The following KCNK13 variants were observed in gnomAD, a reference collection of about 807,000 sequenced individuals.
The protein encoded by KCNK13 is potassium channel subfamily K member 13.
A neutral mutation model predicts 23.4 loss-of-function variants in KCNK13; 12 were observed. That is an observed-to-expected ratio of 0.51 (90% CI 0.33 to 0.83). KCNK13 has a LOEUF of 0.83. Ranked by LOEUF, KCNK13 falls within the 40% of genes least tolerant of loss-of-function variation. The pLI is 0.02. For missense variants in KCNK13, 463 were observed against 556.3 expected, an observed-to-expected ratio of 0.83 and a Z score of 1.69; for synonymous variants, 231 against 229.5, an observed-to-expected ratio of 1.01 and a Z score of -0.06.
chr14:90,130,958 T>TAG (rs1566957138), intron 1 of KCNK13, among the ~76,000 whole-genome samples: 1 of 152,192 alleles, frequency 6.6e-6, no homozygotes, highest in Non-Finnish European at 1.5e-5. Context: ...CCAGCTCCTC[T>TAG]AGAGAAGCCC....
intron 1 of KCNK13, among the ~76,000 whole-genome samples, chr14:90,136,439 C>G (rs896113382): frequency 2.6e-4 from 39 of 151,734 alleles, no homozygotes; most frequent in African/African-American, 8.5e-4. Flanking sequence ...TTAATAAGGA[C>G]CCCAAGGAAG....
intron 1 of KCNK13, among the ~76,000 whole-genome samples, chr14:90,085,871 A>ATATC (rs1261751852): frequency 1.2e-4 from 17 of 143,630 alleles, no homozygotes; most frequent in African/African-American, 3.6e-4. Context: ...ATATAAATTT[A>ATATC]TATCTATCTA....
At chr14:90,171,145 C>T (rs556500636) in intron 1 of KCNK13, among the ~76,000 whole-genome samples, 1 of 152,302 alleles carries the variant, frequency 6.6e-6, no homozygotes, top group East Asian at 1.9e-4. Context: ...TCATTTCCAG[C>T]TAGGTGAGAA....
intron 1 of KCNK13, among the ~76,000 whole-genome samples, chr14:90,104,194 G>C (rs887097781): frequency 6.6e-6 from 1 of 151,932 alleles, no homozygotes; most frequent in African/African-American, 2.4e-5. Flanking sequence ...TCCTAATCTT[G>C]TTCTTCCTCA....
intron 1 of KCNK13, among the ~76,000 whole-genome samples, chr14:90,077,035 G>A (rs918586655): frequency 2.7e-5 from 4 of 150,704 alleles, no homozygotes; most frequent in Admixed American, 1.3e-4. Flanking sequence ...TAGCCAGGAT[G>A]GTCTCGATCT....
chr14:90,066,269 TA>T (rs1218187268), intron 1 of KCNK13, among the ~76,000 whole-genome samples: 6 of 149,858 alleles, frequency 4.0e-5, no homozygotes, highest in Non-Finnish European at 7.4e-5. Flanking sequence ...ACCCACTTTT[TA>T]TTTTTTTATT....
rs372011411 is a variant in KCNK13 at position 90,062,218 on chromosome 14, G to C, written c.13G>C (p.Gly5Arg). Reference protein sequence around the residue: MAGRGFSWGPGHLNE... With the variant: MAGRRFSWGPGHLNE... Reference sequence around the variant, plus strand: ...CGGGGGCCCGGCCATGGCTGGCCGGGGTTTCAGCTGGGGCCCGGGCCACCT... The same window carrying C: ...CGGGGGCCCGGCCATGGCTGGCCGGCGTTTCAGCTGGGGCCCGGGCCACCT... The change falls in exon 1 of 2, where the codon GGT becomes CGT. Residue 5 changes from glycine (G) to arginine (R), a missense_variant. Physicochemically the swap from Gly to Arg is moderately radical, Grantham distance 125 (BLOSUM62 -2). Transcript: ENST00000282146. This position sits in a 1 kb window ranked among gnomAD's most constrained non-coding sequence, Gnocchi z 4.5. The C allele has an allele frequency of 1.4e-3, 2,007 of 1,460,708 alleles. 2 individuals carry two copies. Among genetic ancestry groups the C allele is most frequent in the Non-Finnish European group, 1.7e-3 (1,872 of 1,112,912 alleles). The allele number at this position is 1,460,708 out of a possible 1,614,324, so 90.5% of individuals were successfully genotyped here.
At chr14:90,159,948 T>A (rs1342558146) in intron 1 of KCNK13, among the ~76,000 whole-genome samples, 1 of 16,152 alleles carries the variant, frequency 6.2e-5, no homozygotes, top group Non-Finnish European at 2.1e-4. Flanking sequence ...TGTGTAGGGG[T>A]GTGTGTGTGT....
chr14:90,149,393 A>ACAGTTCCC (rs1478380338), intron 1 of KCNK13, among the ~76,000 whole-genome samples: 1 of 152,208 alleles, frequency 6.6e-6, no homozygotes, highest in African/African-American at 2.4e-5. Context: ...TAATGGACTC[A>ACAGTTCCC]CAGTTCCCCA....
chr14:90,183,350 A>G (rs998607550), intron 1 of KCNK13, among the ~76,000 whole-genome samples: 1 of 152,118 alleles, frequency 6.6e-6, no homozygotes, highest in Admixed American at 6.5e-5. Flanking sequence ...AGAAATGCCC[A>G]TAATCCCAGT....
intron 1 of KCNK13, among the ~76,000 whole-genome samples, chr14:90,110,913 G>A (rs752095944): frequency 3.3e-5 from 5 of 151,650 alleles, no homozygotes; most frequent in African/African-American, 9.7e-5. Context: ...GGAAGCTGAG[G>A]CAGGAGAATT....
chr14:90,129,810 T>C (rs542177418), intron 1 of KCNK13, among the ~76,000 whole-genome samples: 1 of 152,092 alleles, frequency 6.6e-6, no homozygotes, highest in South Asian at 2.1e-4. Flanking sequence ...GTCATTTGGG[T>C]GTGTTTTTCC....
chr14:90,137,919 G>A (rs976750873), intron 1 of KCNK13, among the ~76,000 whole-genome samples: 6 of 152,184 alleles, frequency 3.9e-5, no homozygotes, highest in Non-Finnish European at 7.3e-5. Flanking sequence ...AGCTTTTAGC[G>A]TGAAGACAGG....
intron 1 of KCNK13, among the ~76,000 whole-genome samples, chr14:90,074,030 G>A (rs1189577450): frequency 2.0e-5 from 3 of 151,892 alleles, no homozygotes; most frequent in South Asian, 2.1e-4. Flanking sequence ...GTGCAGTGAC[G>A]CGATCTTGGC....
chr14:90,133,135 G>T (rs927858234), intron 1 of KCNK13, among the ~76,000 whole-genome samples: 7 of 152,152 alleles, frequency 4.6e-5, no homozygotes, highest in African/African-American at 1.4e-4. Context: ...CTTACTATGG[G>T]CCAGATGTTT....
chr14:90,101,499 C>G (rs1343826288), intron 1 of KCNK13, among the ~76,000 whole-genome samples: 2 of 151,824 alleles, frequency 1.3e-5, no homozygotes, highest in Non-Finnish European at 2.9e-5. Context: ...ATGGGTGCAC[C>G]AAAATCTCAC....
In KCNK13 at chr14:90,155,664, G is replaced by A. The variant is rs142523508; in HGVS notation, c.335-28447G>A. 4.4e-3 allele frequency among the ~76,000 whole-genome samples: 664 copies of A among 152,266 alleles called. 1 individual carries two copies. Among genetic ancestry groups the A allele is most frequent in the Middle Eastern group, 0.02 (6 of 294 alleles). On this transcript the variant is annotated intron_variant, in intron 1 of 1. Transcript: ENST00000282146. Reference sequence around the variant, plus strand: ...AACAAACGGGATCTCTTGATGGATCGGATGTGTCAGAGGAAGAGTACAAGA... The same window carrying A: ...AACAAACGGGATCTCTTGATGGATCAGATGTGTCAGAGGAAGAGTACAAGA...
chr14:90,156,609 C>A (rs1016953065), intron 1 of KCNK13, among the ~76,000 whole-genome samples: 1 of 152,102 alleles, frequency 6.6e-6, no homozygotes, highest in Non-Finnish European at 1.5e-5. Flanking sequence ...CTGAAATATT[C>A]AAGGAACGGG....
intron 1 of KCNK13, among the ~76,000 whole-genome samples, chr14:90,081,339 C>A (rs1596768957): frequency 6.6e-6 from 1 of 152,296 alleles, no homozygotes; most frequent in East Asian, 1.9e-4. Context: ...ATTTTCAAAT[C>A]ATTTCAAAGT....
Sources: gnomAD v4.1 joint callset for allele counts (sites outside exome capture counted in the v4.1 genomes callset) on GRCh38, gnomAD v4.1.1 for gene constraint, Gnocchi (gnomAD v3.1) non-coding constraint, MANE v1.5 for transcripts, NCBI Gene and HGNC (gene_info 2026-07-23, HGNC 2026-07-21) for gene names.